RFT1: variants seen among roughly 807,000 people sequenced by gnomAD.
The protein encoded by RFT1 is man(5)GlcNAc(2)-PP-dolichol translocation protein RFT1.
RFT1 carries 43 observed loss-of-function variants against 62.2 expected under a neutral mutation model. The ratio of observed to expected loss-of-function variants is 0.69; its 90% CI spans 0.54 to 0.89. RFT1 has a LOEUF of 0.89. Ranked by LOEUF, RFT1 falls within the 40% of genes least tolerant of loss-of-function variation. The pLI is 0.00. For missense variants in RFT1, 605 were observed against 649.9 expected, an observed-to-expected ratio of 0.93 and a Z score of 0.75; for synonymous variants, 262 against 264.6, an observed-to-expected ratio of 0.99 and a Z score of 0.10.
chr3:53,079,235 T>C, the RFT1 span, among the ~76,000 whole-genome samples: 4 of 152,268 alleles, frequency 2.6e-5, no homozygotes, highest in African/African-American at 9.6e-5. Flanking sequence ...TCACGGCTCT[T>C]TGACAATGAG....
intron 10 of RFT1, chr3:53,103,091 A>C: frequency 1.0e-6 from 1 of 985,232 alleles, no homozygotes; most frequent in Non-Finnish European, 1.2e-6. Context: ...CTCCAAACTT[A>C]ATGACCTTTG....
intron 11 of RFT1, among the ~76,000 whole-genome samples, chr3:53,098,653 T>G (rs548400119): frequency 1.3e-5 from 2 of 151,656 alleles, no homozygotes; most frequent in Non-Finnish European, 2.9e-5. Context: ...ATACAAAAAA[T>G]TAGCCAGGCA....
intron 5 of RFT1, among the ~76,000 whole-genome samples, chr3:53,121,143 A>T (rs1701957203): frequency 6.6e-6 from 1 of 152,272 alleles, no homozygotes; most frequent in Non-Finnish European, 1.5e-5. Flanking sequence ...TATTAGAACC[A>T]GAAATATGAA....
intron 1 of RFT1, among the ~76,000 whole-genome samples, chr3:53,126,398 C>A (rs1380240582): frequency 6.6e-6 from 1 of 152,234 alleles, no homozygotes; most frequent in Non-Finnish European, 1.5e-5. Flanking sequence ...ATACGCTTAG[C>A]AAGTGGGAGC....
chr3:53,100,998 A>T (rs1701296868), intron 10 of RFT1, among the ~76,000 whole-genome samples: 1 of 152,192 alleles, frequency 6.6e-6, no homozygotes, highest in Non-Finnish European at 1.5e-5. Flanking sequence ...CTGAAAGAAA[A>T]GGAGGGGGAC....
chr3:53,122,285 C>A, intron 4 of RFT1, 89 bp downstream of exon 4: 1 of 1,233,438 alleles, frequency 8.1e-7, no homozygotes, highest in South Asian at 1.2e-5. Context: ...CTGGAAAAAT[C>A]ATTCATTCTC....
intron 6 of RFT1, among the ~76,000 whole-genome samples, chr3:53,118,433 T>C (rs938787628): frequency 1.3e-5 from 2 of 152,196 alleles, no homozygotes; most frequent in African/African-American, 4.8e-5. Flanking sequence ...AGGTAAAATC[T>C]AGCTGAGCAG....
the RFT1 span, among the ~76,000 whole-genome samples, chr3:53,082,801 G>T: frequency 2.0e-5 from 3 of 152,234 alleles, no homozygotes; most frequent in East Asian, 5.8e-4. Context: ...AGGGCAGTTG[G>T]GTGGGGGTGG....
chr3:53,121,642 G>T, intron 5 of RFT1, 57 bp downstream of exon 5: 2 of 1,397,966 alleles, frequency 1.4e-6, no homozygotes, highest in Non-Finnish European at 2.0e-6. Context: ...GGAACAAGAA[G>T]AAAAACCAGT....
In RFT1 at chr3:53,104,082, C is replaced by T. The variant is rs748828737; in HGVS notation, c.973G>A (p.Ala325Thr). The change falls in exon 10 of 13, where the codon GCT becomes ACT. Residue 325 changes from alanine to threonine, a missense_variant. Transcript: ENST00000296292. ...AGCAGGGACTCCAAGACTGCAGCAG[C>T]CACAGCAACGTCCTCCTGGGGCCAG... ...TLQKQEDVAV[A>T]AAVLESLLKL... 1.2e-5 allele frequency: 20 copies of T among 1,614,046 alleles called. No homozygotes were observed. Among genetic ancestry groups the T allele is most frequent in the Non-Finnish European group, 5.9e-6 (7 of 1,180,016 alleles).
the RFT1 span, among the ~76,000 whole-genome samples, chr3:53,067,099 G>A: frequency 3.3e-5 from 5 of 152,210 alleles, no homozygotes; most frequent in Admixed American, 6.5e-5. Context: ...AGGCCGAGGC[G>A]GGCGGAGCGC....
intron 4 of RFT1, 72 bp downstream of exon 4, chr3:53,122,301 TA>T: frequency 7.1e-7 from 1 of 1,402,388 alleles, no homozygotes; most frequent in Non-Finnish European, 1.0e-6. Context: ...TTCTCTCCTA[TA>T]AAAGCATTTT....
At chr3:53,116,292 T>TTTTTTTTTTC (rs1701790807) in intron 6 of RFT1, among the ~76,000 whole-genome samples, 1 of 18 alleles carries the variant, frequency 0.056, no homozygotes, top group African/African-American at 0.25. Flanking sequence ...ATCTCATTTC[T>TTTTTTTTTTC]TTTTTTTTTT....
At chr3:53,106,278 A>T (rs1474089459) in intron 8 of RFT1, among the ~76,000 whole-genome samples, 1 of 152,140 alleles carries the variant, frequency 6.6e-6, no homozygotes, top group Non-Finnish European at 1.5e-5. Flanking sequence ...AGGAAGTAAT[A>T]GAGGGATCCC....
intron 6 of RFT1, among the ~76,000 whole-genome samples, chr3:53,114,022 T>C (rs1213793986): frequency 6.6e-6 from 1 of 152,210 alleles, no homozygotes; most frequent in Non-Finnish European, 1.5e-5. Context: ...TCTTCCCTGA[T>C]GAGAAGGAAA....
the RFT1 span, among the ~76,000 whole-genome samples, chr3:53,070,359 A>C: frequency 6.8e-6 from 1 of 147,808 alleles, no homozygotes; most frequent in East Asian, 2.0e-4. Flanking sequence ...CTGGGATTAC[A>C]AGTGTGAGCC....
At chr3:53,087,343 T>C (rs1374502134), downstream of RFT1, among the ~76,000 whole-genome samples, 1 of 152,184 alleles carries the variant, frequency 6.6e-6, no homozygotes, top group Non-Finnish European at 1.5e-5. Flanking sequence ...CCAGGGATCA[T>C]GCTGCCCCTG....
At chr3:53,096,371 T>A (rs1414919988) in intron 11 of RFT1, among the ~76,000 whole-genome samples, 1 of 151,398 alleles carries the variant, frequency 6.6e-6, no homozygotes, top group African/African-American at 2.4e-5. Flanking sequence ...TCTATATATA[T>A]TATGAGGTTA....
At chr3:53,069,790 C>A in the RFT1 span, among the ~76,000 whole-genome samples, 1 of 152,214 alleles carries the variant, frequency 6.6e-6, no homozygotes, top group Non-Finnish European at 1.5e-5. Flanking sequence ...GCGGCCACTG[C>A]AGTGAGCTGT....
Sources: allele counts gnomAD v4.1 joint callset (sites outside exome capture counted in the v4.1 genomes callset), GRCh38; gene constraint gnomAD v4.1.1; transcripts MANE v1.5; gene names NCBI Gene and HGNC (gene_info 2026-07-23, HGNC 2026-07-21).